ITSN2: variants seen among roughly 807,000 people sequenced by gnomAD.
ITSN2 encodes intersectin-2.
Under a neutral mutation model 243.7 loss-of-function variants are expected in ITSN2, and 156 were observed. The ratio of observed to expected loss-of-function variants is 0.64; its 90% confidence interval spans 0.56 to 0.73. ITSN2 has a LOEUF of 0.73. Among genes scored for constraint, ITSN2 ranks in the 30% least tolerant of loss-of-function variants. ITSN2 has a pLI of 0.00. For synonymous variants in ITSN2, 703 were observed against 699.9 expected (o/e 1.00, Z -0.07); for missense variants, 1,801 against 1,996.1 (o/e 0.90, Z 1.86).
At chr2:24,305,948 T>C (rs1191424808) in intron 8 of ITSN2, among the ~76,000 whole-genome samples, 1 of 152,204 alleles carries the variant, frequency 6.6e-6, no homozygotes, top group Non-Finnish European at 1.5e-5. Context: ...ACAGTACTTA[T>C]ACAAAGCGTA....
intron 19 of ITSN2, 58 bp downstream of exon 19, chr2:24,271,708 C>A: frequency 6.9e-7 from 1 of 1,450,730 alleles, no homozygotes; most frequent in Non-Finnish European, 9.1e-7. Flanking sequence ...TGTCTCTTAT[C>A]AGGTCATTTT....
intron 2 of ITSN2, among the ~76,000 whole-genome samples, chr2:24,327,600 CACTTTCTTTTAAAATGTTTGATATTA>C (rs1685298815): frequency 6.6e-6 from 1 of 152,018 alleles, no homozygotes. Context: ...ACCCGGCCAG[CACTTTCTTTTAAAATGTTTGATATTA>C]AACAATTATG....
chr2:24,205,384 C>T, intron 37 of ITSN2, 87 bp from the exon 38 acceptor site: 1 of 1,134,850 alleles, frequency 8.8e-7, no homozygotes, highest in East Asian at 2.4e-5. Flanking sequence ...CTACCGGCTC[C>T]CTGTCCCCAT....
intron 1 of ITSN2, among the ~76,000 whole-genome samples, chr2:24,339,408 T>C (rs889659963): frequency 2.0e-5 from 3 of 151,146 alleles, no homozygotes; most frequent in African/African-American, 7.3e-5. Context: ...AAGGCGAAGG[T>C]TGCAGTGACC....
In ITSN2 at chr2:24,212,682, T is replaced by G; in HGVS notation, c.4057A>C (p.Arg1353=). The stretch of plus-strand genomic sequence containing the variant: ...ATGAGCAGTGGGTAGCGGGTGATCC[T>G]CTGCATGGGTTTCAGCAGGAAGCTG... ...LSSFLLKPMQ[R]ITRYPLLIRS... The change falls in exon 33 of 40, where the codon AGG becomes CGG. Residue 1353 remains arginine (R), a synonymous_variant. Transcript: ENST00000355123. The G allele has an allele frequency of 6.2e-7, 1 of 1,613,146 alleles. No individual in the cohort carries two copies. The highest frequency in any genetic ancestry group is 1.1e-5 in the South Asian group (1 of 90,848).
At chr2:24,335,999 TG>T (rs933023534) in intron 1 of ITSN2, among the ~76,000 whole-genome samples, 1 of 150,380 alleles carries the variant, frequency 6.6e-6, no homozygotes, top group African/African-American at 2.4e-5. Context: ...CCCAGCACTT[TG>T]GGAGGCCGAG....
intron 14 of ITSN2, among the ~76,000 whole-genome samples, chr2:24,294,699 T>A (rs140459834): frequency 4.6e-5 from 7 of 152,302 alleles, no homozygotes; most frequent in African/African-American, 1.4e-4. Context: ...TTAAAAAGAA[T>A]AACTTTAAGT....
chr2:24,276,041 T>TA (rs532502100), intron 17 of ITSN2, among the ~76,000 whole-genome samples, 192 bp from the exon 18 acceptor site: 6 of 152,266 alleles, frequency 3.9e-5, no homozygotes, highest in Admixed American at 3.9e-4. Flanking sequence ...GCTCCTGAGA[T>TA]AAACACATTA....
chr2:24,221,285 T>C (rs1670428450), intron 29 of ITSN2: 1 of 510,360 alleles, frequency 2.0e-6, no homozygotes, highest in Non-Finnish European at 3.4e-6. Flanking sequence ...CAGCAATGTC[T>C]GTAACATTTC....
rs568195061 is a variant in ITSN2 at position 24,277,160 on chromosome 2, G to A, written c.1945-1311C>T. On this transcript the variant is annotated intron_variant, in intron 17 of 39. Transcript: ENST00000355123. ...ATTTGGAATCTACAGAATCCTGAAC[G>A]AGAGAGTAGAAAAAGGAGGCTGGAG... is the stretch of plus-strand genomic sequence containing the variant. 8.5e-5 allele frequency among the ~76,000 whole-genome samples: 13 copies of A among 152,156 alleles called. No individual in the cohort carries two copies. In the South Asian group the frequency reaches 1.5e-3, roughly 17 times the overall value.
At chr2:24,292,269 C>T (rs1018172108) in intron 15 of ITSN2, among the ~76,000 whole-genome samples, 1 of 152,286 alleles carries the variant, frequency 6.6e-6, no homozygotes, top group East Asian at 1.9e-4. Flanking sequence ...AGCCCCATCA[C>T]GTCCTCAATA....
intron 3 of ITSN2, among the ~76,000 whole-genome samples, chr2:24,314,358 C>T (rs1574280067): frequency 6.6e-6 from 1 of 152,148 alleles, no homozygotes; most frequent in East Asian, 1.9e-4. Flanking sequence ...GTACAAATAA[C>T]ATGGTTAAGT....
chr2:24,287,677 G>A (rs1679693153), intron 15 of ITSN2, among the ~76,000 whole-genome samples: 1 of 151,850 alleles, frequency 6.6e-6, no homozygotes. Context: ...GGGTTCCCTT[G>A]TTCCCACATG....
chr2:24,220,379 C>T (rs1230706362), intron 30 of ITSN2: 31 of 984,994 alleles, frequency 3.1e-5, no homozygotes, highest in African/African-American at 7.0e-5. Context: ...AAGTGCTACT[C>T]GAATAAGGAT....
intron 8 of ITSN2, among the ~76,000 whole-genome samples, chr2:24,304,642 G>C (rs1347502860): frequency 1.3e-5 from 2 of 152,114 alleles, no homozygotes; most frequent in Non-Finnish European, 2.9e-5. Flanking sequence ...CTAAATAAGA[G>C]AGATGGAAGG....
Position 24,302,044 on chromosome 2 carries a change from T to C in ITSN2, c.916A>G (p.Met306Val), listed in dbSNP as rs373051329. The change falls in exon 10 of 40, where the codon ATG becomes GTG. Residue 306 changes from methionine to valine, a missense_variant. Met to Val is a conservative substitution (Grantham distance 21, BLOSUM62 1). This residue lies in a region of ITSN2 where 787 missense variants were observed against 803.9 expected (regional missense o/e 0.98). Transcript: ENST00000355123. ...GCTTTGGCCATGTCAGTAAGGTGCATTGCAAGAATAAACTCTTCTGCTTTT... is the reference window on the plus strand; with the variant it reads ...GCTTTGGCCATGTCAGTAAGGTGCACTGCAAGAATAAACTCTTCTGCTTTT... ...QLKAEEFILA[M>V]HLTDMAKAGQ... 8.1e-6 allele frequency: 13 copies of C among 1,613,056 alleles called. No homozygotes were observed. Among genetic ancestry groups the C allele is most frequent in the East Asian group, 2.2e-5 (1 of 44,804 alleles).
intron 25 of ITSN2, among the ~76,000 whole-genome samples, chr2:24,250,351 T>G (rs1673935860): frequency 6.6e-6 from 1 of 152,176 alleles, no homozygotes; most frequent in South Asian, 2.1e-4. Flanking sequence ...TGGCAGGATT[T>G]TTTGCCAATG....
In ITSN2 at chr2:24,204,435, C is replaced by CACAG. The variant is rs756579472; in HGVS notation, c.4763-21_4763-18dup. On this transcript the variant is annotated splice_polypyrimidine_tract_variant and intron_variant, in intron 38 of 39. Coordinates refer to ENST00000355123, the MANE Select transcript of ITSN2 (RefSeq NM_006277.3). The surrounding 1 kb of genome is among the most constrained non-coding windows in gnomAD (Gnocchi z 5.1). ...TGCTCTTTCCTGAACAAAAACAAAC[C>CACAG]ACAGACACATGTGGTGCATGCAGGT... The CACAG allele has an allele frequency of 3.7e-6, 6 of 1,613,684 alleles. No individual in the cohort carries two copies. The highest frequency in any genetic ancestry group is 1.7e-5 in the Admixed American group (1 of 60,012).
At chr2:24,239,298 C>G (rs1406114016) in intron 29 of ITSN2, 1 of 152,358 alleles carries the variant, frequency 6.6e-6, no homozygotes, top group Non-Finnish European at 1.5e-5. Flanking sequence ...CTCTACTTTT[C>G]TTTCCCCCAG....
Sources: allele counts gnomAD v4.1 joint callset (sites outside exome capture counted in the v4.1 genomes callset), GRCh38; gene constraint gnomAD v4.1.1; regional missense constraint gnomAD v4.1.1; non-coding constraint Gnocchi (gnomAD v3.1); transcripts MANE v1.5; gene names NCBI Gene and HGNC (gene_info 2026-07-23, HGNC 2026-07-21).